PIK3C3: variants seen among roughly 807,000 people sequenced by gnomAD.
PIK3C3 encodes the protein PI3-kinase type 3.
A neutral mutation model predicts 126.1 loss-of-function variants in PIK3C3; 95 were observed. The observed-to-expected ratio is 0.75, with a 90% confidence interval of 0.64 to 0.89. PIK3C3 has a LOEUF of 0.89. PIK3C3 is among the 40% of genes least tolerant of loss of function. PIK3C3 has a pLI of 0.00. For missense variants in PIK3C3, 829 were observed against 1,063.2 expected (o/e 0.78, Z 3.06); for synonymous variants, 374 against 360.0 (o/e 1.04, Z -0.44).
At chr18:42,035,865 T>C (rs1017928681) in intron 16 of PIK3C3, among the ~76,000 whole-genome samples, 10 of 152,160 alleles carry the variant, frequency 6.6e-5, no homozygotes, top group African/African-American at 2.2e-4. Flanking sequence ...AAAAGTAATT[T>C]TGTAGACCTT....
In PIK3C3 at chr18:42,085,815, C is replaced by CAA. The variant is rs1297307819; in HGVS notation, c.*4678_*4679insAA. ...ACCATAGAATTTAACTAGAATTTGG[C>CAA]TGGCTCATGCCTGTAATGCCAGCAC... On this transcript the variant is annotated 3_prime_UTR_variant, in exon 25 of 25. Transcript: ENST00000262039. 2.0e-5 allele frequency: 3 copies of CAA among 152,168 alleles called. No homozygotes were observed. In the East Asian group the frequency reaches 5.8e-4, roughly 29 times the overall value. The allele number at this position is 152,168 out of a possible 1,614,324, so 9.4% of individuals were successfully genotyped here.
chr18:42,015,035 G>A (rs1983006701), intron 11 of PIK3C3, among the ~76,000 whole-genome samples: 1 of 152,114 alleles, frequency 6.6e-6, no homozygotes, highest in South Asian at 2.1e-4. Context: ...CTGTAACCTA[G>A]TCTTTTCCAA....
At chr18:41,999,251 G>A (rs1361815920) in intron 9 of PIK3C3, among the ~76,000 whole-genome samples, 2 of 152,090 alleles carry the variant, frequency 1.3e-5, no homozygotes, top group Non-Finnish European at 1.5e-5. Flanking sequence ...TGTGGAACCT[G>A]AAATATGAAT....
chr18:42,029,909 G>T (rs1983752135), intron 15 of PIK3C3, among the ~76,000 whole-genome samples: 1 of 151,942 alleles, frequency 6.6e-6, no homozygotes, highest in South Asian at 2.1e-4. Context: ...TATATATATT[G>T]ATATGATATT....
intron 3 of PIK3C3, among the ~76,000 whole-genome samples, chr18:41,965,067 G>T (rs1980286810): frequency 6.6e-6 from 1 of 152,142 alleles, no homozygotes; most frequent in Non-Finnish European, 1.5e-5. Context: ...AATCAGTATT[G>T]TTTCTTTTAC....
rs535872185 is a variant in PIK3C3, at chr18:42,011,973, G to T, written c.1171-1469G>T. ...ATTGATTAAGTGTGCCATCCTATAT[G>T]GGTATGCTTTGTGGCACCCCTGGTT... On this transcript the variant is annotated intron_variant, in intron 10 of 24. Transcript: ENST00000262039. 3.3e-5 allele frequency among the ~76,000 whole-genome samples: 5 copies of T among 152,176 alleles called. No individual in the cohort carries two copies. The South Asian group carries it at 1.0e-3, about 32-fold the overall frequency.
At chr18:41,996,590 G>A (rs754851721) in intron 8 of PIK3C3, 48 bp from the exon 9 acceptor site, 11 of 814,282 alleles carry the variant, frequency 1.4e-5, no homozygotes, top group Non-Finnish European at 2.0e-5. Context: ...GAAATATATA[G>A]GACATGTATT....
rs377718124 is a variant in PIK3C3 at position 42,081,177 on chromosome 18, A to C, written c.*40A>C. ...CATCAAGATGCTTGGCTCAATAAGA[A>C]AACCACGTTAGGAGCAACCTTTGTA... On this transcript the variant is annotated 3_prime_UTR_variant, in exon 25 of 25. Coordinates refer to ENST00000262039, the MANE Select transcript of PIK3C3 (RefSeq NM_002647.4). 15 of 1,495,832 alleles carry C rather than the reference A, an allele frequency of 1.0e-5. No homozygotes were observed. In the African/African-American group the frequency reaches 1.8e-4, roughly 18 times the overall value. The allele number at this position is 1,495,832 out of a possible 1,614,324, so 92.7% of individuals were successfully genotyped here. A position where few individuals can be genotyped will look rare whatever the true frequency, so the allele number is the denominator to read the frequency against.
In PIK3C3 at chr18:42,038,965, A is replaced by G. The variant is rs1342024189; in HGVS notation, c.2038+115A>G. 5 of 648,970 alleles carry G rather than the reference A, an allele frequency of 7.7e-6. No individual in the cohort carries two copies. In the East Asian group the frequency reaches 1.5e-4, roughly 19 times the overall value. 40.2% of individuals were successfully genotyped at this position (648,970 alleles called of 1,614,324 possible). The stretch of plus-strand genomic sequence containing the variant: ...AAATAAATTCCATTTGTAGCACTGA[A>G]GACAAGTTGGACCTTCCTGCCTGCT... On this transcript the variant is annotated intron_variant, in intron 18 of 24. Coordinates refer to ENST00000262039, the MANE Select transcript of PIK3C3 (RefSeq NM_002647.4).
rs117083836 is a variant in PIK3C3, at chr18:42,012,001, A to G, written c.1171-1441A>G. On this transcript the variant is annotated intron_variant, in intron 10 of 24. Coordinates refer to ENST00000262039, the MANE Select transcript of PIK3C3 (RefSeq NM_002647.4). ...TATGCTTTGTGGCACCCCTGGTTACAATAGTAACATCAAAGATCACTGATC... is the reference window on the plus strand; with the variant it reads ...TATGCTTTGTGGCACCCCTGGTTACGATAGTAACATCAAAGATCACTGATC... Among the ~76,000 whole-genome samples, 1,417 of 152,276 alleles carry G rather than the reference A, an allele frequency of 9.3e-3. 16 individuals carry two copies. The highest frequency in any genetic ancestry group is 0.012 in the Non-Finnish European group (843 of 68,022).
At chr18:42,012,444 C>G (rs188676405) in intron 10 of PIK3C3, among the ~76,000 whole-genome samples, 1 of 152,208 alleles carries the variant, frequency 6.6e-6, no homozygotes, top group African/African-American at 2.4e-5. Flanking sequence ...GTCCCAAAGT[C>G]TCAGAATTTT....
intron 21 of PIK3C3, among the ~76,000 whole-genome samples, chr18:42,052,422 A>G (rs561153807): frequency 6.6e-6 from 1 of 152,178 alleles, no homozygotes; most frequent in African/African-American, 2.4e-5. Flanking sequence ...ACAGCAGTTC[A>G]TTTTTTCTTA....
chr18:42,073,369 C>T (rs1985856394), intron 24 of PIK3C3, among the ~76,000 whole-genome samples: 1 of 152,020 alleles, frequency 6.6e-6, no homozygotes, highest in Admixed American at 6.6e-5. Context: ...GATTTCAAAA[C>T]AAAAGAAACA....
intron 12 of PIK3C3, among the ~76,000 whole-genome samples, chr18:42,018,370 C>G (rs1007854591): frequency 6.6e-6 from 1 of 151,968 alleles, no homozygotes; most frequent in Non-Finnish European, 1.5e-5. Flanking sequence ...TGAAATGAAA[C>G]GTGTTTGCTA....
intron 15 of PIK3C3, among the ~76,000 whole-genome samples, chr18:42,031,716 C>T (rs760463946): frequency 5.9e-5 from 9 of 152,156 alleles, no homozygotes; most frequent in Non-Finnish European, 1.2e-4. Flanking sequence ...TGTGCCTGGC[C>T]ATCTTTTCCA....
In PIK3C3 at chr18:42,023,717, G is replaced by T. The variant is rs1983430041; in HGVS notation, c.1484+3012G>T. ...TAATTTCAAATAGTTGGTTTAAAAT[G>T]ATCATTCTTCTCTTCCTTTGAGCAT... On this transcript the variant is annotated intron_variant, in intron 13 of 24. Coordinates refer to ENST00000262039, the MANE Select transcript of PIK3C3 (RefSeq NM_002647.4). Among the ~76,000 whole-genome samples the T allele has an allele frequency of 2.0e-5, 3 of 152,330 alleles. No homozygotes were observed. The South Asian group carries it at 6.2e-4, about 32-fold the overall frequency.
At chr18:42,022,670 C>CTGTAG (rs1486410778) in intron 13 of PIK3C3, among the ~76,000 whole-genome samples, 1 of 151,804 alleles carries the variant, frequency 6.6e-6, no homozygotes, top group Non-Finnish European at 1.5e-5. Flanking sequence ...CTGTTGGCCT[C>CTGTAG]TGTAGTGGGA....
intron 24 of PIK3C3, among the ~76,000 whole-genome samples, chr18:42,080,408 C>T (rs1986206849): frequency 6.6e-6 from 1 of 151,994 alleles, no homozygotes; most frequent in African/African-American, 2.4e-5. Flanking sequence ...GGTGTTTTGC[C>T]TTCACTTTTT....
At chr18:42,016,783 A>C (rs1336399860) in intron 12 of PIK3C3, among the ~76,000 whole-genome samples, 3 of 152,110 alleles carry the variant, frequency 2.0e-5, no homozygotes, top group Non-Finnish European at 4.4e-5. Context: ...GATTGGATCC[A>C]GGAGAGAATT....
Sources: allele counts gnomAD v4.1 joint callset (sites outside exome capture counted in the v4.1 genomes callset), GRCh38; gene constraint gnomAD v4.1.1; transcripts MANE v1.5; gene names NCBI Gene and HGNC (gene_info 2026-07-23, HGNC 2026-07-21).